Variants in KANK2 observed in about 807,000 individuals in gnomAD.
KANK2 encodes the protein KN motif and ankyrin repeat domain-containing protein 2.
In KANK2, 41 loss-of-function variants were observed where a neutral mutation model predicts 74.6. The observed-to-expected ratio is 0.55, with a 90% confidence interval of 0.43 to 0.71. KANK2 has a LOEUF of 0.71. Ranked by LOEUF, KANK2 falls within the 30% of genes least tolerant of loss-of-function variation. KANK2 has a pLI of 0.00. For synonymous variants in KANK2, 537 were observed against 519.0 expected (o/e 1.03, Z -0.47); for missense variants, 1,148 against 1,196.4 (o/e 0.96, Z 0.60).
At position 11,169,646 on chromosome 19, in the gene KANK2, C is replaced by T. The variant is rs539298983; in HGVS notation, c.2502+231G>A. 7.7e-5 allele frequency: 45 copies of T among 584,936 alleles called. No homozygotes were observed. In the East Asian group the frequency reaches 1.3e-3, roughly 16 times the overall value. 36.2% of individuals were successfully genotyped at this position (584,936 alleles called of 1,614,324 possible). A position where few individuals can be genotyped will look rare whatever the true frequency, so the allele number is the denominator to read the frequency against. On this transcript the variant is annotated intron_variant, in intron 12 of 12. Coordinates refer to ENST00000586659, the MANE Select transcript of KANK2 (RefSeq NM_001136191.3). The stretch of plus-strand genomic sequence containing the variant: ...TGAAACCCCGTCTCTACTAAAAATA[C>T]AAAAATTAGCCGGGTGTGGTGGTGC...
In KANK2 at chr19:11,164,791, T is replaced by A. The variant is rs2077987374; in HGVS notation, c.*1767A>T. 1 of 152,006 alleles carries A rather than the reference T, an allele frequency of 6.6e-6. No individual in the cohort carries two copies. Among genetic ancestry groups the A allele is most frequent in the East Asian group, 1.9e-4 (1 of 5,192 alleles). 9.4% of individuals were successfully genotyped at this position (152,006 alleles called of 1,614,324 possible). On this transcript the variant is annotated 3_prime_UTR_variant, in exon 13 of 13. Coordinates refer to ENST00000586659, the MANE Select transcript of KANK2 (RefSeq NM_001136191.3). ...TCTCCTTTGACCAGCCAAGCCCTAT[T>A]TTGTTTTACGTACATTCCCTTCACT...
rs528972726 is a variant in KANK2, at chr19:11,194,555, C to A, written c.-44G>T. 24 of 1,533,368 alleles carry A rather than the reference C, an allele frequency of 1.6e-5. No individual in the cohort carries two copies. In the South Asian group the frequency reaches 1.8e-4, roughly 11 times the overall value. 95.0% of individuals were successfully genotyped at this position (1,533,368 alleles called of 1,614,324 possible). ...TCCTTGGAAGTCACTTGAGGGACTG[C>A]GAGTCAGACTGCCTGCAGCACCGGC... On this transcript the variant is annotated 5_prime_UTR_variant, in exon 3 of 13. Transcript: ENST00000586659.
At chr19:11,184,083 A>G (rs771529474) in intron 4 of KANK2, among the ~76,000 whole-genome samples, 2 of 152,190 alleles carry the variant, frequency 1.3e-5, no homozygotes, top group Non-Finnish European at 2.9e-5. Flanking sequence ...TATATTCAAA[A>G]TGAAGACTTC....
At chr19:11,191,037 CATTATT>C (rs1322686152) in intron 4 of KANK2, among the ~76,000 whole-genome samples, 1 of 146,224 alleles carries the variant, frequency 6.8e-6, no homozygotes, top group Non-Finnish European at 1.5e-5. Flanking sequence ...AGCCAGCTGT[CATTATT>C]ATTATTAATT....
chr19:11,166,401 G>A lies in KANK2; in HGVS notation c.*157C>T. On this transcript the variant is annotated 3_prime_UTR_variant, in exon 13 of 13. Transcript: ENST00000586659. ...GGAGCTGGAGTCCTGTGGCCGTCGG[G>A]GCTCCCCCAGGGAAGCAGAGGGAGA... 1.5e-6 allele frequency: 1 copy of A among 665,450 alleles called. No individual in the cohort carries two copies. 41.2% of individuals were successfully genotyped at this position (665,450 alleles called of 1,614,324 possible).
rs753933217 is a variant in KANK2, at chr19:11,175,427, C to CAAAAAA, written c.1848+469_1848+474dup. Among the ~76,000 whole-genome samples the CAAAAAA allele has an allele frequency of 5.6e-3, 83 of 14,954 alleles. 2 individuals are homozygous for CAAAAAA. The highest frequency in any genetic ancestry group is 9.3e-3 in the African/African-American group (50 of 5,378). The allele number at this position is 14,954 out of a possible 152,430, so 9.8% of individuals were successfully genotyped here. ...TGGGTGACAGAGCAAGACTCCCTCT[C>CAAAAAA]AAAAAAAAAAAAAAAAAAAAAAAAA... On this transcript the variant is annotated intron_variant, in intron 8 of 12. Transcript: ENST00000586659.
chr19:11,188,372 C>A (rs985580458), intron 4 of KANK2, among the ~76,000 whole-genome samples: 1 of 150,948 alleles, frequency 6.6e-6, no homozygotes, highest in Non-Finnish European at 1.5e-5. Context: ...CCACACCTGG[C>A]TAATTTTTGT....
At chr19:11,185,017 G>C (rs1162476880) in intron 4 of KANK2, among the ~76,000 whole-genome samples, 2 of 147,942 alleles carry the variant, frequency 1.4e-5, no homozygotes, top group Non-Finnish European at 3.0e-5. Flanking sequence ...CACCATGTTG[G>C]CCAGGGTGGT....
chr19:11,178,268 T>C, intron 6 of KANK2, 77 bp downstream of exon 6: 1 of 1,099,942 alleles, frequency 9.1e-7, no homozygotes, highest in Non-Finnish European at 1.2e-6. Flanking sequence ...AATGAGGTAA[T>C]TAGGAGGCTC....
chr19:11,184,987 ATTG>A (rs2078635980), intron 4 of KANK2, among the ~76,000 whole-genome samples: 1 of 145,210 alleles, frequency 6.9e-6, no homozygotes. Flanking sequence ...TAATTTTTGT[ATTG>A]TTGTAGAGAT....
intron 4 of KANK2, among the ~76,000 whole-genome samples, chr19:11,189,342 G>A: frequency 6.6e-6 from 1 of 152,144 alleles, no homozygotes; most frequent in East Asian, 1.9e-4. Context: ...CTGAGGCATA[G>A]AGAGATTTCA....
rs138318448 is a variant in KANK2 at position 11,172,840 on chromosome 19, G to A, written c.2211+141C>T. ...CCTCTACTCCTTCTAGTTTCCACAA[G>A]AAGGTCCTGTGTCAGAGACAGCCTG... On this transcript the variant is annotated intron_variant, in intron 10 of 12. Transcript: ENST00000586659. The A allele has an allele frequency of 0.05, 42,048 of 835,398 alleles. 1,309 individuals carry two copies. Among genetic ancestry groups the A allele is most frequent in the Non-Finnish European group, 0.062 (32,306 of 524,448 alleles). 51.7% of individuals were successfully genotyped at this position (835,398 alleles called of 1,614,324 possible).
At chr19:11,184,661 G>A (rs1226754455) in intron 4 of KANK2, among the ~76,000 whole-genome samples, 1 of 146,438 alleles carries the variant, frequency 6.8e-6, no homozygotes, top group African/African-American at 2.5e-5. Context: ...ACATAATCTT[G>A]TCATGTCAAG....
At chr19:11,172,948 C>A (rs747204915) in intron 10 of KANK2, 33 bp downstream of exon 10, 1 of 1,603,536 alleles carries the variant, frequency 6.2e-7, no homozygotes, top group African/African-American at 1.3e-5. Flanking sequence ...TAGGAAGAGC[C>A]ACCTGGATCT....
intron 9 of KANK2, among the ~76,000 whole-genome samples, chr19:11,173,953 T>C (rs2078253840): frequency 6.6e-6 from 1 of 150,790 alleles, no homozygotes; most frequent in Non-Finnish European, 1.5e-5. Context: ...TCCATTAAAC[T>C]AGGCAGGTGG....
intron 4 of KANK2, among the ~76,000 whole-genome samples, chr19:11,188,112 T>C (rs1184580211): frequency 6.6e-6 from 1 of 152,028 alleles, no homozygotes; most frequent in Non-Finnish European, 1.5e-5. Flanking sequence ...TAATAAGTAA[T>C]ACAAGAGAAG....
Position 11,174,479 on chromosome 19 carries a change from C to T in KANK2, c.2062G>A (p.Asp688Asn), listed in dbSNP as rs767860519. The change falls in exon 9 of 13, where the codon GAC (aspartate) becomes AAC (asparagine). Residue 688 changes from aspartate to asparagine, a missense_variant. Asp to Asn is a conservative substitution (Grantham distance 23). Coordinates refer to ENST00000586659, the MANE Select transcript of KANK2 (RefSeq NM_001136191.3). Reference sequence around the variant, plus strand: ...TCCTCCCCGCTGGGCTCACCGCTGTCGAGCAGCTGCTGCACCACGGGGAAG... The same window carrying T: ...TCCTCCCCGCTGGGCTCACCGCTGTTGAGCAGCTGCTGCACCACGGGGAAG... ...ANFPVVQQLLDSGVCKVDKQN... is the reference protein window; with the variant it reads ...ANFPVVQQLLNSGVCKVDKQN... 6.8e-6 allele frequency: 11 copies of T among 1,607,914 alleles called. No homozygotes were observed. The highest frequency in any genetic ancestry group is 1.7e-4 in the Middle Eastern group (1 of 6,004).
At position 11,193,385 on chromosome 19, in the gene KANK2, C is replaced by T. The variant is rs747417326; in HGVS notation, c.695G>A (p.Ser232Asn). ...TGTGGGGTGGCCCAGGAACTTCTGG[C>T]TCTTAAGTTGTACTGTGAGCTGCCG... Reference protein sequence around the residue: ...EKRQLTVQLKSQKFLGHPTAG... With the variant: ...EKRQLTVQLKNQKFLGHPTAG... Residue 232 changes from serine (S) to asparagine (N), a missense_variant, in exon 4 of 13, where the codon AGC becomes AAC. Ser to Asn is a conservative substitution (Grantham distance 46, BLOSUM62 1). Transcript: ENST00000586659. This position sits in a 1 kb window ranked among gnomAD's most constrained non-coding sequence, Gnocchi z 9.6. 1 of 1,612,926 alleles carries T rather than the reference C, an allele frequency of 6.2e-7. No homozygotes were observed. The highest frequency in any genetic ancestry group is 8.5e-7 in the Non-Finnish European group (1 of 1,179,984).
chr19:11,188,390 G>A (rs1420400047), intron 4 of KANK2, among the ~76,000 whole-genome samples: 1 of 148,992 alleles, frequency 6.7e-6, no homozygotes, highest in East Asian at 1.9e-4. Flanking sequence ...TGTATTTTTA[G>A]TAGGGGTTTT....
Sources: allele counts gnomAD v4.1 joint callset (sites outside exome capture counted in the v4.1 genomes callset), GRCh38; gene constraint gnomAD v4.1.1; non-coding constraint Gnocchi (gnomAD v3.1); transcripts MANE v1.5; gene names NCBI Gene and HGNC (gene_info 2026-07-23, HGNC 2026-07-21).